The following RAB28 variants were observed in gnomAD, a reference collection of about 807,000 sequenced individuals.
RAB28 encodes the protein RAB28, member RAS oncogene family, also known as ras-related protein Rab-28.
Under a neutral mutation model 31.7 loss-of-function variants are expected in RAB28, and 24 were observed. The ratio of observed to expected loss-of-function variants is 0.76; its 90% CI spans 0.55 to 1.06. The LOEUF is 1.06. Among genes scored for constraint, RAB28 ranks in the 50% least tolerant of loss-of-function variants. The probability of loss-of-function intolerance (pLI) is 0.00; values close to 1 mark genes in which losing one functional copy is unlikely to be tolerated. For synonymous variants in RAB28, 100 were observed against 90.4 expected (o/e 1.11, Z -0.60); for missense variants, 254 against 258.5 (o/e 0.98, Z 0.12).
At chr4:13,403,185 C>T (rs777821915) in intron 4 of RAB28, among the ~76,000 whole-genome samples, 8 of 152,112 alleles carry the variant, frequency 5.3e-5, no homozygotes, top group Non-Finnish European at 1.0e-4. Flanking sequence ...ATAAGTGTGG[C>T]TCTATTCCTA....
At chr4:13,407,500 G>T (rs1486861439) in intron 4 of RAB28, among the ~76,000 whole-genome samples, 3 of 152,056 alleles carry the variant, frequency 2.0e-5, no homozygotes, top group African/African-American at 7.2e-5. Flanking sequence ...GCTCTTTTTT[G>T]GTTCTGTATG....
In RAB28 at chr4:13,399,366, G is replaced by A. The variant is rs563777839; in HGVS notation, c.392-17772C>T. 1.2e-4 allele frequency among the ~76,000 whole-genome samples: 19 copies of A among 152,274 alleles called. No homozygotes were observed. In the South Asian group the frequency reaches 2.9e-3, roughly 23 times the overall value. The stretch of plus-strand genomic sequence containing the variant: ...TTTCTCCAATTGATGAACACAAGTT[G>A]TTCCCAACTGTTAAGATACTAACAA... On this transcript the variant is annotated intron_variant, in intron 4 of 6. Transcript: ENST00000330852.
At chr4:13,460,598 A>C (rs1715542718) in intron 4 of RAB28, 101 bp downstream of exon 4, 10 of 1,414,388 alleles carry the variant, frequency 7.1e-6, no homozygotes, top group African/African-American at 2.9e-5. Flanking sequence ...TTTGGGGATT[A>C]GGTCTTTGAC....
At chr4:13,398,800 C>T (rs1241294193) in intron 4 of RAB28, among the ~76,000 whole-genome samples, 1 of 151,164 alleles carries the variant, frequency 6.6e-6, no homozygotes, top group Non-Finnish European at 1.5e-5. Flanking sequence ...AAAAGGATTG[C>T]CTCAATTAGG....
chr4:13,483,784 C>T (rs1716729847), intron 1 of RAB28, among the ~76,000 whole-genome samples: 1 of 152,200 alleles, frequency 6.6e-6, no homozygotes. Flanking sequence ...TTGGCAAATC[C>T]CTGCCAGTCC....
chr4:13,462,562 C>T (rs1013314909), intron 3 of RAB28, among the ~76,000 whole-genome samples: 1 of 152,178 alleles, frequency 6.6e-6, no homozygotes, highest in Admixed American at 6.5e-5. Flanking sequence ...CCCTAGCATA[C>T]TTCTGTTATG....
At chr4:13,374,223 C>A (rs1482733628) in intron 6 of RAB28, among the ~76,000 whole-genome samples, 1 of 151,926 alleles carries the variant, frequency 6.6e-6, no homozygotes, top group Non-Finnish European at 1.5e-5. Flanking sequence ...TAAATGCCAC[C>A]AACAAACTGA....
chr4:13,408,967 A>T (rs1270197220), intron 4 of RAB28, among the ~76,000 whole-genome samples: 1 of 152,222 alleles, frequency 6.6e-6, no homozygotes, highest in Non-Finnish European at 1.5e-5. Context: ...TTGCATGCTA[A>T]GAAGTTATGA....
chr4:13,477,858 G>A (rs1716434535), intron 2 of RAB28, among the ~76,000 whole-genome samples: 1 of 151,344 alleles, frequency 6.6e-6, no homozygotes, highest in Non-Finnish European at 1.5e-5. Context: ...GTAGTGCTGG[G>A]CCACAGGTCA....
At chr4:13,453,262 T>A (rs189260724) in intron 4 of RAB28, among the ~76,000 whole-genome samples, 24 of 152,308 alleles carry the variant, frequency 1.6e-4, no homozygotes, top group African/African-American at 5.8e-4. Context: ...GTAATTAGTT[T>A]AAATTCAAAA....
Position 13,484,090 on chromosome 4 carries a change from C to T in RAB28, c.61G>A (p.Gly21Ser), listed in dbSNP as rs1375454235. ...RQLKIVVLGD[G>S]ASGKTSLTTC... ...CGAGGACTGACCTTCCCGGAGGCGCCGTCCCCCAGCACGACGATTTTCAGT... is the reference window on the plus strand; with the variant it reads ...CGAGGACTGACCTTCCCGGAGGCGCTGTCCCCCAGCACGACGATTTTCAGT... The change falls in exon 1 of 7, where the codon GGC becomes AGC. Residue 21 changes from glycine (G) to serine (S), a missense_variant. Coordinates refer to ENST00000330852, the MANE Select transcript of RAB28 (RefSeq NM_001017979.3). The T allele has an allele frequency of 1.9e-6, 3 of 1,600,462 alleles. No individual in the cohort carries two copies. The highest frequency in any genetic ancestry group is 1.3e-5 in the African/African-American group (1 of 74,728).
At chr4:13,411,483 G>A (rs1482323020) in intron 4 of RAB28, among the ~76,000 whole-genome samples, 1 of 151,994 alleles carries the variant, frequency 6.6e-6, no homozygotes, top group African/African-American at 2.4e-5. Context: ...GAAAAATTAA[G>A]ATTAACAAAA....
chr4:13,426,124 G>A (rs1713468691), intron 4 of RAB28, among the ~76,000 whole-genome samples: 1 of 152,090 alleles, frequency 6.6e-6, no homozygotes, highest in South Asian at 2.1e-4. Context: ...AAAATGAAGA[G>A]AATAAAAATT....
intron 3 of RAB28, among the ~76,000 whole-genome samples, chr4:13,463,127 G>C (rs984235153): frequency 6.6e-6 from 1 of 152,140 alleles, no homozygotes; most frequent in African/African-American, 2.4e-5. Context: ...ATCATACTAA[G>C]TGAACAAGAA....
At chr4:13,433,971 C>T (rs2108933855) in intron 4 of RAB28, among the ~76,000 whole-genome samples, 1 of 152,228 alleles carries the variant, frequency 6.6e-6, no homozygotes, top group South Asian at 2.1e-4. Context: ...CCATGGACTC[C>T]TATGCAGCCA....
intron 4 of RAB28, among the ~76,000 whole-genome samples, chr4:13,383,048 T>C (rs1434121205): frequency 1.3e-5 from 2 of 152,092 alleles, no homozygotes; most frequent in Non-Finnish European, 2.9e-5. Context: ...GCCAGAGTGC[T>C]ATTCCTTAAA....
At chr4:13,413,224 T>C (rs939284180) in intron 4 of RAB28, among the ~76,000 whole-genome samples, 4 of 152,228 alleles carry the variant, frequency 2.6e-5, no homozygotes, top group Non-Finnish European at 5.9e-5. Flanking sequence ...ATGTATCTTA[T>C]CTTGAAATCT....
At chr4:13,457,760 C>T (rs1188147060) in intron 4 of RAB28, among the ~76,000 whole-genome samples, 2 of 152,144 alleles carry the variant, frequency 1.3e-5, no homozygotes, top group East Asian at 3.8e-4. Context: ...AGCCCATCTA[C>T]TCTAACAGCC....
At chr4:13,443,038 A>C (rs1714506404) in intron 4 of RAB28, among the ~76,000 whole-genome samples, 1 of 152,234 alleles carries the variant, frequency 6.6e-6, no homozygotes, top group African/African-American at 2.4e-5. Flanking sequence ...CATCTTTTAA[A>C]CTTGAAATTT....
Sources: gnomAD v4.1 joint callset for allele counts (sites outside exome capture counted in the v4.1 genomes callset) on GRCh38, gnomAD v4.1.1 for gene constraint, MANE v1.5 for transcripts, NCBI Gene and HGNC (gene_info 2026-07-23, HGNC 2026-07-21) for gene names.